GALNT17: variants seen among roughly 807,000 people sequenced by gnomAD.
GALNT17 encodes the protein polypeptide N-acetylgalactosaminyltransferase 17.
In GALNT17, 29 loss-of-function variants were observed where a neutral mutation model predicts 63.7. The ratio of observed to expected loss-of-function variants is 0.46; its 90% CI spans 0.34 to 0.62. GALNT17 has a LOEUF of 0.62. GALNT17 is among the 20% of genes least tolerant of loss of function. GALNT17 has a pLI of 0.01. For missense variants in GALNT17, 603 were observed against 799.6 expected (o/e 0.75, Z 2.97); for synonymous variants, 305 against 318.3 (o/e 0.96, Z 0.45).
chr7:71,632,871 A>G (rs753298011), intron 6 of GALNT17, among the ~76,000 whole-genome samples: 3 of 152,106 alleles, frequency 2.0e-5, no homozygotes, highest in Non-Finnish European at 4.4e-5. Flanking sequence ...TGGGAGGCTG[A>G]GGTGGGTGAA....
chr7:71,312,053 T>C (rs1791422170), intron 1 of GALNT17, among the ~76,000 whole-genome samples: 1 of 152,236 alleles, frequency 6.6e-6, no homozygotes, highest in African/African-American at 2.4e-5. Context: ...TGCCCCTGGC[T>C]GTGGCAACAC....
intron 1 of GALNT17, among the ~76,000 whole-genome samples, chr7:71,228,455 T>C (rs527646348): frequency 1.3e-5 from 2 of 152,282 alleles, no homozygotes; most frequent in South Asian, 4.2e-4. Context: ...ACTTAAGGCC[T>C]TCAAACAACA....
At chr7:71,665,288 T>G in intron 6 of GALNT17, 123 bp from the exon 7 acceptor site, 1 of 1,041,024 alleles carries the variant, frequency 9.6e-7, no homozygotes, top group Non-Finnish European at 1.4e-6. Context: ...CTCATTGGCT[T>G]TATATATTAA....
chr7:71,397,941 T>TCGTCGTTG (rs1563063497), intron 3 of GALNT17, among the ~76,000 whole-genome samples: 3 of 150,690 alleles, frequency 2.0e-5, no homozygotes, highest in Non-Finnish European at 4.4e-5. Flanking sequence ...CATTATTGTC[T>TCGTCGTTG]TTGTTGTTGT....
In GALNT17 at chr7:71,407,773, A is replaced by T. The variant is rs540005870; in HGVS notation, c.590-8116A>T. ...AAAACAAAACAAAATTACACACAACATAAAATCACCTCTTCTGCACCGTCA... is the reference window on the plus strand; with the variant it reads ...AAAACAAAACAAAATTACACACAACTTAAAATCACCTCTTCTGCACCGTCA... On this transcript the variant is annotated intron_variant, in intron 3 of 10. Coordinates refer to ENST00000333538, the MANE Select transcript of GALNT17 (RefSeq NM_022479.3). 2.6e-5 allele frequency among the ~76,000 whole-genome samples: 4 copies of T among 152,212 alleles called. No individual in the cohort carries two copies. In the East Asian group the frequency reaches 7.7e-4, roughly 29 times the overall value.
chr7:71,525,734 T>G (rs1584025696), intron 5 of GALNT17, among the ~76,000 whole-genome samples: 3 of 141,026 alleles, frequency 2.1e-5, no homozygotes, highest in African/African-American at 7.8e-5. Context: ...GGTATGTCTT[T>G]TCTTTTTTTT....
intron 6 of GALNT17, among the ~76,000 whole-genome samples, chr7:71,597,611 C>A (rs1789907170): frequency 1.3e-5 from 2 of 152,130 alleles, no homozygotes; most frequent in African/African-American, 4.8e-5. Flanking sequence ...AGAGGAAAGG[C>A]AGACAGGAAG....
chr7:71,156,126 G>T (rs1280752701), intron 1 of GALNT17, among the ~76,000 whole-genome samples: 1 of 151,746 alleles, frequency 6.6e-6, no homozygotes, highest in Non-Finnish European at 1.5e-5. Context: ...AACCTGGGAG[G>T]CAGAGGTTGC....
Position 71,321,867 on chromosome 7 carries a change from TTTCCTTCCTTCCTTCC to T in GALNT17, c.239-13642_239-13627del, listed in dbSNP as rs1178713360. 6.0e-3 allele frequency among the ~76,000 whole-genome samples: 279 copies of T among 46,844 alleles called. 2 individuals are homozygous for T. Among genetic ancestry groups the T allele is most frequent in the Middle Eastern group, 0.026 (1 of 38 alleles). The allele number at this position is 46,844 out of a possible 152,430, so 30.7% of individuals were successfully genotyped here. ...TTCCTTCCTTTCCTTCCTTCCTTCCTTTCCTTCCTTCCTTCCTTCCTTCCTTCCTTCCTTCCTTCCT... is the reference window on the plus strand; with the variant it reads ...TTCCTTCCTTTCCTTCCTTCCTTCCTTTCCTTCCTTCCTTCCTTCCTTCCT... On this transcript the variant is annotated intron_variant, in intron 1 of 10. Coordinates refer to ENST00000333538, the MANE Select transcript of GALNT17 (RefSeq NM_022479.3).
intron 5 of GALNT17, among the ~76,000 whole-genome samples, chr7:71,554,712 TC>T (rs2116839550): frequency 6.6e-6 from 1 of 152,288 alleles, no homozygotes; most frequent in South Asian, 2.1e-4. Flanking sequence ...TGCCTTCCCA[TC>T]CTCAAACCCA....
At chr7:71,632,603 A>G (rs1338911464) in intron 6 of GALNT17, among the ~76,000 whole-genome samples, 1 of 152,128 alleles carries the variant, frequency 6.6e-6, no homozygotes, top group African/African-American at 2.4e-5. Flanking sequence ...AAGGATGAGG[A>G]GAGAATCTGG....
At chr7:71,237,554 G>A (rs73190450) in intron 1 of GALNT17, among the ~76,000 whole-genome samples, 5,116 of 149,372 alleles carry the variant, frequency 0.034, 115 homozygotes, top group South Asian at 0.06. Flanking sequence ...GCATAATTGT[G>A]TACGCCTGTA....
chr7:71,132,765 G>C lies in GALNT17; in HGVS notation c.-38G>C, dbSNP rs1787705697. 1.3e-6 allele frequency: 2 copies of C among 1,533,226 alleles called. No individual in the cohort carries two copies. Among genetic ancestry groups the C allele is most frequent in the Non-Finnish European group, 1.8e-6 (2 of 1,132,086 alleles). The allele number at this position is 1,533,226 out of a possible 1,614,324, so 95.0% of individuals were successfully genotyped here. A position where few individuals can be genotyped will look rare whatever the true frequency, so the allele number is the denominator to read the frequency against. On this transcript the variant is annotated 5_prime_UTR_variant, in exon 1 of 11. Coordinates refer to ENST00000333538, the MANE Select transcript of GALNT17 (RefSeq NM_022479.3). Reference sequence around the variant, plus strand: ...CCCCGCGCCTCGCCGGAGCCCGAGGGGGCGCAGGTCCGGGGCGAGGGCCGG... The same window carrying C: ...CCCCGCGCCTCGCCGGAGCCCGAGGCGGCGCAGGTCCGGGGCGAGGGCCGG...
chr7:71,133,771 T>C (rs1787731971), intron 1 of GALNT17, among the ~76,000 whole-genome samples: 2 of 152,150 alleles, frequency 1.3e-5, no homozygotes, highest in Admixed American at 1.3e-4. Flanking sequence ...AGGGAGACTT[T>C]TTATGTGCTC....
At chr7:71,672,751 A>G (rs945364283) in intron 8 of GALNT17, among the ~76,000 whole-genome samples, 1 of 152,126 alleles carries the variant, frequency 6.6e-6, no homozygotes, top group African/African-American at 2.4e-5. Context: ...AGGTTTTGCC[A>G]TGTTGGCCAG....
intron 5 of GALNT17, among the ~76,000 whole-genome samples, chr7:71,563,759 A>G (rs968592308): frequency 5.3e-5 from 8 of 151,864 alleles, no homozygotes; most frequent in African/African-American, 1.7e-4. Context: ...TTTATTTTTC[A>G]TAGAGACAGG....
intron 5 of GALNT17, among the ~76,000 whole-genome samples, chr7:71,430,663 T>C (rs1786845449): frequency 6.6e-6 from 1 of 152,186 alleles, no homozygotes; most frequent in South Asian, 2.1e-4. Flanking sequence ...TAATAAATTA[T>C]AAGGTATGGG....
At chr7:71,708,579 C>T (rs139413246) in intron 9 of GALNT17, among the ~76,000 whole-genome samples, 1 of 152,254 alleles carries the variant, frequency 6.6e-6, no homozygotes, top group East Asian at 1.9e-4. Flanking sequence ...TATTTTGATT[C>T]AGAGGAGTAC....
chr7:71,345,147 G>GTTTTTTTTTTT (rs67919212), intron 2 of GALNT17, among the ~76,000 whole-genome samples: 1 of 139,452 alleles, frequency 7.2e-6, no homozygotes, highest in Non-Finnish European at 1.6e-5. Context: ...GTTGTTTTTT[G>GTTTTTTTTTTT]TTTTTTTTTT....
Sources: gnomAD v4.1 joint callset for allele counts (sites outside exome capture counted in the v4.1 genomes callset) on GRCh38, gnomAD v4.1.1 for gene constraint, MANE v1.5 for transcripts, NCBI Gene and HGNC (gene_info 2026-07-23, HGNC 2026-07-21) for gene names.